DLGAP1: variants seen among roughly 807,000 people sequenced by gnomAD.
The protein encoded by DLGAP1 is disks large-associated protein 1.
DLGAP1 carries 11 observed loss-of-function variants against 90.8 expected under a neutral mutation model. The observed-to-expected ratio is 0.12, with a 90% confidence interval of 0.08 to 0.20. DLGAP1 has a LOEUF of 0.20. DLGAP1 is among the 10% of genes least tolerant of loss of function. The pLI is 1.00. For missense variants in DLGAP1, 1,050 were observed against 1,333.8 expected, an observed-to-expected ratio of 0.79 and a Z score of 3.31; for synonymous variants, 558 against 540.7, an observed-to-expected ratio of 1.03 and a Z score of -0.44.
chr18:3,833,199 TTCCTTCCTTCC>T, intron 4 of DLGAP1, among the ~76,000 whole-genome samples: 3 of 93,274 alleles, frequency 3.2e-5, no homozygotes, highest in African/African-American at 1.3e-4. Context: ...CCTTCCTTCC[TTCCTTCCTTCC>T]TTCCTTCCTT....
chr18:3,869,636 G>A (rs1354882204), intron 4 of DLGAP1, among the ~76,000 whole-genome samples: 1 of 152,208 alleles, frequency 6.6e-6, no homozygotes, highest in Non-Finnish European at 1.5e-5. Flanking sequence ...CGGCACACAA[G>A]ACAGTGAAAT....
At chr18:4,197,068 G>A (rs2077511130) in intron 1 of DLGAP1, among the ~76,000 whole-genome samples, 1 of 151,568 alleles carries the variant, frequency 6.6e-6, no homozygotes, top group Non-Finnish European at 1.5e-5. Context: ...AGCTACTTGG[G>A]AGGCTGAGGC....
At chr18:4,296,820 AAGAC>A (rs770927237) in intron 1 of DLGAP1, among the ~76,000 whole-genome samples, 48 of 152,302 alleles carry the variant, frequency 3.2e-4, no homozygotes, top group Non-Finnish European at 5.9e-4. Context: ...TGTGCACTGA[AAGAC>A]AGAGCGGGTG....
Position 4,333,776 on chromosome 18 carries a change from C to T in DLGAP1, c.-267+121230G>A, listed in dbSNP as rs541482699. Among the ~76,000 whole-genome samples the T allele has an allele frequency of 4.8e-4, 73 of 151,268 alleles. 2 individuals carry two copies. The highest frequency in any genetic ancestry group is 1.5e-3 in the African/African-American group (63 of 41,000). The stretch of plus-strand genomic sequence containing the variant: ...CTGGAACTACAGGCGCCCACCACCA[C>T]GCCCGGCTATTTTCAGGGTTTCACT... On this transcript the variant is annotated intron_variant, in intron 1 of 12. Transcript: ENST00000315677.
chr18:3,925,269 A>C (rs1244685732), intron 3 of DLGAP1, among the ~76,000 whole-genome samples: 1 of 148,484 alleles, frequency 6.7e-6, no homozygotes, highest in Non-Finnish European at 1.5e-5. Flanking sequence ...TTTTTATCTA[A>C]TAACAGATTT....
chr18:4,155,288 C>T (rs754653105), intron 1 of DLGAP1, among the ~76,000 whole-genome samples: 19 of 152,220 alleles, frequency 1.2e-4, no homozygotes, highest in Non-Finnish European at 2.6e-4. Context: ...AAATCTGCTG[C>T]CCATTGTGAA....
chr18:3,523,640 G>T (rs1328570572), intron 10 of DLGAP1, among the ~76,000 whole-genome samples: 3 of 152,014 alleles, frequency 2.0e-5, no homozygotes, highest in African/African-American at 4.8e-5. Context: ...GAGGTCAGGA[G>T]ATCGAGACCA....
At chr18:4,033,932 T>A (rs1301830008) in intron 2 of DLGAP1, among the ~76,000 whole-genome samples, 1 of 151,520 alleles carries the variant, frequency 6.6e-6, no homozygotes, top group African/African-American at 2.4e-5. Context: ...AGAGACAAGG[T>A]TTCACTGTGT....
chr18:4,012,324 C>T (rs2074439740), intron 2 of DLGAP1, among the ~76,000 whole-genome samples: 1 of 152,168 alleles, frequency 6.6e-6, no homozygotes, highest in South Asian at 2.1e-4. Flanking sequence ...CTCCTCAGAG[C>T]AGCACTGATG....
intron 7 of DLGAP1, among the ~76,000 whole-genome samples, chr18:3,681,427 T>C (rs1453167996): frequency 2.0e-5 from 3 of 152,230 alleles, no homozygotes; most frequent in African/African-American, 7.2e-5. Flanking sequence ...AAGGGTATTT[T>C]CTTATAACCA....
chr18:3,658,893 C>G (rs574783299), intron 7 of DLGAP1, among the ~76,000 whole-genome samples: 36 of 150,996 alleles, frequency 2.4e-4, no homozygotes, highest in Admixed American at 2.2e-3. Flanking sequence ...AAAATTTAAA[C>G]AAATCATCAG....
chr18:3,944,114 CGT>C (rs140888358), intron 3 of DLGAP1, among the ~76,000 whole-genome samples: 4,168 of 152,152 alleles, frequency 0.027, 196 homozygotes, highest in African/African-American at 0.094. Flanking sequence ...ACCCATAGGA[CGT>C]GTGTGTGTCT....
At chr18:3,600,819 GATATATAGATATAT>G (rs2056907932) in intron 7 of DLGAP1, among the ~76,000 whole-genome samples, 2 of 55,716 alleles carry the variant, frequency 3.6e-5, no homozygotes, top group Non-Finnish European at 7.3e-5. Flanking sequence ...GATATATATA[GATATATAGATATAT>G]ATAGATATAT....
intron 9 of DLGAP1, among the ~76,000 whole-genome samples, chr18:3,551,393 T>C (rs1425061882): frequency 6.6e-6 from 1 of 151,332 alleles, no homozygotes; most frequent in East Asian, 2.0e-4. Context: ...GGATTACAGG[T>C]GCCCACCATC....
intron 1 of DLGAP1, among the ~76,000 whole-genome samples, chr18:4,222,820 C>G (rs1234760079): frequency 6.7e-6 from 1 of 150,238 alleles, no homozygotes; most frequent in African/African-American, 2.4e-5. Flanking sequence ...TGTGGGTAAA[C>G]TGATACAGGC....
chr18:4,042,364 T>C (rs1271239653), intron 2 of DLGAP1, among the ~76,000 whole-genome samples: 2 of 152,244 alleles, frequency 1.3e-5, no homozygotes, highest in African/African-American at 2.4e-5. Context: ...CTTTTCAATA[T>C]ATTACATGAT....
chr18:4,184,796 C>T (rs1052840741), intron 1 of DLGAP1, among the ~76,000 whole-genome samples: 8 of 152,092 alleles, frequency 5.3e-5, no homozygotes, highest in Admixed American at 3.9e-4. Flanking sequence ...ACCGCATACA[C>T]ATCTCTGATG....
chr18:4,091,842 A>G (rs982257860), intron 2 of DLGAP1, among the ~76,000 whole-genome samples: 6 of 151,642 alleles, frequency 4.0e-5, no homozygotes, highest in African/African-American at 1.5e-4. Context: ...GATAGTTCCA[A>G]TATCTAGGTC....
chr18:4,195,850 G>A (rs1331405546), intron 1 of DLGAP1, among the ~76,000 whole-genome samples: 1 of 152,184 alleles, frequency 6.6e-6, no homozygotes. Context: ...ATCGCGCCCG[G>A]CCTGACTACT....
Sources: allele counts gnomAD v4.1 joint callset (sites outside exome capture counted in the v4.1 genomes callset), GRCh38; gene constraint gnomAD v4.1.1; transcripts MANE v1.5; gene names NCBI Gene and HGNC (gene_info 2026-07-23, HGNC 2026-07-21).